MEGF9: variants seen among roughly 807,000 people sequenced by gnomAD.
MEGF9 encodes the protein multiple epidermal growth factor-like domains protein 9.
A neutral mutation model predicts 46.8 loss-of-function variants in MEGF9; 6 were observed. The observed-to-expected ratio is 0.13, with a 90% confidence interval of 0.07 to 0.25. MEGF9 has a LOEUF of 0.25. Ranked by LOEUF, MEGF9 falls within the 10% of genes least tolerant of loss-of-function variation. MEGF9 has a pLI of 1.00. For missense variants in MEGF9, 683 were observed against 792.4 expected, an observed-to-expected ratio of 0.86 and a Z score of 1.66; for synonymous variants, 302 against 330.7, an observed-to-expected ratio of 0.91 and a Z score of 0.94.
intron 2 of MEGF9, among the ~76,000 whole-genome samples, chr9:120,627,482 T>A (rs2132306493): frequency 6.6e-6 from 1 of 152,284 alleles, no homozygotes; most frequent in East Asian, 1.9e-4. Context: ...TTTTTTGAGA[T>A]GGAGTCTTGC....
chr9:120,624,601 C>T (rs188892855), intron 2 of MEGF9, among the ~76,000 whole-genome samples: 1 of 152,280 alleles, frequency 6.6e-6, no homozygotes, highest in Admixed American at 6.5e-5. Context: ...GGCGTGGTGG[C>T]TCACACCTTT....
At chr9:120,632,084 C>T (rs565702930) in intron 2 of MEGF9, among the ~76,000 whole-genome samples, 46 of 152,156 alleles carry the variant, frequency 3.0e-4, no homozygotes, top group South Asian at 2.3e-3. Flanking sequence ...CATGCTACCA[C>T]GCCCAGCTAA....
intron 1 of MEGF9, among the ~76,000 whole-genome samples, chr9:120,711,830 T>TATAC (rs1176946617): frequency 2.1e-5 from 3 of 146,164 alleles, no homozygotes; most frequent in Admixed American, 6.7e-5. Flanking sequence ...AAATGCTTTC[T>TATAC]ATACATACAT....
chr9:120,652,491 A>AC (rs2043657513), intron 2 of MEGF9, among the ~76,000 whole-genome samples: 1 of 150,428 alleles, frequency 6.6e-6, no homozygotes, highest in Non-Finnish European at 1.5e-5. Context: ...AAAAAAAAAA[A>AC]AAAAAAAAAA....
At chr9:120,618,530 A>G (rs2043482289) in intron 3 of MEGF9, among the ~76,000 whole-genome samples, 1 of 152,232 alleles carries the variant, frequency 6.6e-6, no homozygotes, top group Admixed American at 6.5e-5. Context: ...TTTAAGGGAA[A>G]CGTGCTTAAT....
intron 1 of MEGF9, among the ~76,000 whole-genome samples, chr9:120,679,101 T>G (rs1200950920): frequency 2.0e-5 from 3 of 152,216 alleles, no homozygotes; most frequent in African/African-American, 4.8e-5. Flanking sequence ...GAAATATCAT[T>G]TGACCCAGCC....
chr9:120,688,376 G>A (rs559216283), intron 1 of MEGF9, among the ~76,000 whole-genome samples: 40 of 152,246 alleles, frequency 2.6e-4, no homozygotes, highest in African/African-American at 8.4e-4. Flanking sequence ...GCTAACAGCA[G>A]GGCTGTATCA....
chr9:120,647,197 A>C (rs2043629798), intron 2 of MEGF9, among the ~76,000 whole-genome samples: 1 of 151,718 alleles, frequency 6.6e-6, no homozygotes, highest in Non-Finnish European at 1.5e-5. Flanking sequence ...TAATGATTAG[A>C]CTAGGAGGGC....
chr9:120,665,858 T>TC, intron 1 of MEGF9, among the ~76,000 whole-genome samples: 1 of 152,326 alleles, frequency 6.6e-6, no homozygotes, highest in South Asian at 2.1e-4. Context: ...ATATATCCTT[T>TC]CCCCCAATGT....
intron 4 of MEGF9, among the ~76,000 whole-genome samples, chr9:120,611,864 A>AAGGAAGGAAGGAAGGAAGGAAGGAAGG: frequency 8.0e-6 from 1 of 124,902 alleles, no homozygotes; most frequent in African/African-American, 3.4e-5. Context: ...AGGAAGGAAG[A>AAGGAAGGAAGGAAGGAAGGAAGGAAGG]AAGAGAGAGA....
intron 1 of MEGF9, among the ~76,000 whole-genome samples, chr9:120,675,145 T>C (rs1454751476): frequency 6.6e-6 from 1 of 152,230 alleles, no homozygotes; most frequent in Admixed American, 6.5e-5. Flanking sequence ...TAAGTGTAAC[T>C]GAATGTTTAT....
At chr9:120,707,689 T>C (rs1564432484) in intron 1 of MEGF9, among the ~76,000 whole-genome samples, 1 of 152,194 alleles carries the variant, frequency 6.6e-6, no homozygotes, top group South Asian at 2.1e-4. Flanking sequence ...ATTAGGATGA[T>C]GAAAACATTT....
intron 3 of MEGF9, among the ~76,000 whole-genome samples, chr9:120,617,089 C>T (rs936190779): frequency 9.2e-5 from 14 of 152,256 alleles, no homozygotes; most frequent in African/African-American, 1.4e-4. Flanking sequence ...TGCCCTAAAA[C>T]TCACATTCTC....
chr9:120,612,616 A>C, intron 3 of MEGF9, 77 bp from the exon 4 acceptor site: 1 of 1,333,908 alleles, frequency 7.5e-7, no homozygotes, highest in South Asian at 1.4e-5. Flanking sequence ...CATGCCTGCA[A>C]CAAAAAGATC....
intron 2 of MEGF9, among the ~76,000 whole-genome samples, chr9:120,648,426 G>C (rs900616200): frequency 2.6e-5 from 4 of 151,726 alleles, no homozygotes; most frequent in African/African-American, 9.7e-5. Flanking sequence ...ACCAAACTTT[G>C]TCTTCAAGAA....
intron 2 of MEGF9, among the ~76,000 whole-genome samples, chr9:120,647,435 C>A (rs938753518): frequency 6.6e-6 from 1 of 152,072 alleles, no homozygotes; most frequent in African/African-American, 2.4e-5. Flanking sequence ...ACCATTTGGT[C>A]CTATACAAGC....
chr9:120,620,346 C>T (rs1306545537), intron 3 of MEGF9, among the ~76,000 whole-genome samples: 1 of 152,066 alleles, frequency 6.6e-6, no homozygotes, highest in Non-Finnish European at 1.5e-5. Context: ...CTCTGTACGC[C>T]TTTCCATTCA....
intron 3 of MEGF9, among the ~76,000 whole-genome samples, chr9:120,616,815 G>A (rs995860003): frequency 2.0e-5 from 3 of 152,010 alleles, no homozygotes; most frequent in Non-Finnish European, 4.4e-5. Flanking sequence ...CTGTAAAATG[G>A]GATAATAATT....
chr9:120,694,058 T>C (rs74700447), intron 1 of MEGF9, among the ~76,000 whole-genome samples: 6,232 of 152,208 alleles, frequency 0.041, 421 homozygotes, highest in African/African-American at 0.14. Flanking sequence ...TAAACAGATA[T>C]ATGATATGGA....
Sources: gnomAD v4.1 joint callset for allele counts (sites outside exome capture counted in the v4.1 genomes callset) on GRCh38, gnomAD v4.1.1 for gene constraint, MANE v1.5 for transcripts, NCBI Gene and HGNC (gene_info 2026-07-23, HGNC 2026-07-21) for gene names.